The following KCTD16 variants were observed in gnomAD, a reference collection of about 807,000 sequenced individuals.
KCTD16 encodes potassium channel tetramerization domain containing 16, also known as BTB/POZ domain-containing protein KCTD16.
KCTD16 carries 13 observed loss-of-function variants against 33.2 expected under a neutral mutation model. That is an observed-to-expected ratio of 0.39 (90% CI 0.25 to 0.62). The LOEUF (loss-of-function observed/expected upper bound fraction) is 0.62. Among genes scored for constraint, KCTD16 ranks in the 20% least tolerant of loss-of-function variants. The pLI is 0.50. For synonymous variants in KCTD16, 197 were observed against 195.3 expected (o/e 1.01, Z -0.07); for missense variants, 441 against 525.1 (o/e 0.84, Z 1.57).
chr5:144,361,906 TTGTGTG>T (rs3996310), intron 3 of KCTD16, among the ~76,000 whole-genome samples: 8,025 of 143,910 alleles, frequency 0.056, 250 homozygotes, highest in Middle Eastern at 0.077. Context: ...TGGTGTTATT[TTGTGTG>T]TGTGTGTGTG....
chr5:144,384,075 G>C (rs1186009386), intron 3 of KCTD16: 1 of 152,060 alleles, frequency 6.6e-6, no homozygotes, highest in Non-Finnish European at 1.5e-5. Flanking sequence ...TTTTTCCTGA[G>C]GAAAAGCTGA....
intron 3 of KCTD16, among the ~76,000 whole-genome samples, chr5:144,292,857 C>T (rs373373286): frequency 3.9e-5 from 6 of 152,088 alleles, no homozygotes; most frequent in Admixed American, 1.3e-4. Context: ...ACAGAGAGAG[C>T]GCTAGGATTC....
intron 3 of KCTD16, among the ~76,000 whole-genome samples, chr5:144,341,017 C>T (rs1196736287): frequency 6.6e-6 from 1 of 151,990 alleles, no homozygotes; most frequent in South Asian, 2.1e-4. Context: ...TGCACTCCAG[C>T]CTGGGCAACA....
Position 144,285,033 on chromosome 5 carries a change from T to C in KCTD16, c.832+77487T>C, listed in dbSNP as rs147324594. ...TAAAGAACTTGGAGACAGAAATTGC[T>C]TCACAAAAGATCTAGTCCCTACACA... On this transcript the variant is annotated intron_variant, in intron 3 of 3. Transcript: ENST00000512467. Among the ~76,000 whole-genome samples the C allele has an allele frequency of 8.3e-4, 126 of 152,316 alleles. No homozygotes were observed. In the East Asian group the frequency reaches 0.011, roughly 13 times the overall value.
At chr5:144,177,941 C>T (rs547852924) in intron 2 of KCTD16, among the ~76,000 whole-genome samples, 1 of 152,252 alleles carries the variant, frequency 6.6e-6, no homozygotes, top group East Asian at 1.9e-4. Flanking sequence ...ATCAGCTATT[C>T]ATGTCAATGT....
chr5:144,363,171 A>C (rs960390042), intron 3 of KCTD16, among the ~76,000 whole-genome samples: 1 of 152,036 alleles, frequency 6.6e-6, no homozygotes, highest in Non-Finnish European at 1.5e-5. Flanking sequence ...GTGAAACCCA[A>C]TCTCTACTAA....
At chr5:144,353,146 C>G (rs1377211084) in intron 3 of KCTD16, among the ~76,000 whole-genome samples, 3 of 152,148 alleles carry the variant, frequency 2.0e-5, no homozygotes. Context: ...CCCAAGGGGC[C>G]CTACCCAGAC....
At chr5:144,260,268 A>G (rs1188072943) in intron 3 of KCTD16, among the ~76,000 whole-genome samples, 1 of 152,206 alleles carries the variant, frequency 6.6e-6, no homozygotes, top group Non-Finnish European at 1.5e-5. Context: ...TGCACTCAAG[A>G]ATGAGCTGTC....
chr5:144,177,641 G>T lies in KCTD16; in HGVS notation c.-327+3169G>T, dbSNP rs1333291866. ...TTCGCATAGTCTTCTCTCTGTGTAT[G>T]CCTGTCTCTGTGTCCACATTTCCCT... On this transcript the variant is annotated intron_variant, in intron 2 of 3. Coordinates refer to ENST00000512467, the MANE Select transcript of KCTD16 (RefSeq NM_020768.4). Among the ~76,000 whole-genome samples the T allele has an allele frequency of 2.6e-5, 4 of 152,122 alleles. No individual in the cohort carries two copies. The South Asian group carries it at 8.3e-4, about 32-fold the overall frequency.
intron 3 of KCTD16, among the ~76,000 whole-genome samples, chr5:144,411,288 T>C (rs1752927226): frequency 6.6e-6 from 1 of 152,096 alleles, no homozygotes; most frequent in Non-Finnish European, 1.5e-5. Flanking sequence ...CAAAATATAC[T>C]ACAAAGCTGT....
intron 3 of KCTD16, among the ~76,000 whole-genome samples, chr5:144,322,203 A>G (rs995168261): frequency 5.3e-5 from 8 of 152,154 alleles, no homozygotes; most frequent in African/African-American, 1.9e-4. Context: ...TAAGCAGTTG[A>G]TAGGTAGGCA....
intron 3 of KCTD16, among the ~76,000 whole-genome samples, chr5:144,354,096 C>T (rs1489661268): frequency 6.6e-6 from 1 of 151,934 alleles, no homozygotes; most frequent in Non-Finnish European, 1.5e-5. Flanking sequence ...AATGATCTGC[C>T]TGCTTAGAAA....
At chr5:144,460,321 A>G (rs1406338330) in intron 3 of KCTD16, among the ~76,000 whole-genome samples, 3 of 152,154 alleles carry the variant, frequency 2.0e-5, no homozygotes, top group African/African-American at 7.2e-5. Context: ...GTCCCAATCA[A>G]AATGTCAATT....
chr5:144,283,905 G>A (rs1251840361), intron 3 of KCTD16, among the ~76,000 whole-genome samples: 5 of 152,134 alleles, frequency 3.3e-5, no homozygotes, highest in Admixed American at 1.3e-4. Context: ...AATATATTTG[G>A]TGTAAGCTAA....
chr5:144,264,623 G>C (rs1218782899), intron 3 of KCTD16, among the ~76,000 whole-genome samples: 1 of 152,162 alleles, frequency 6.6e-6, no homozygotes, highest in East Asian at 1.9e-4. Context: ...AATGTAAAAA[G>C]TTAGCTGGGC....
chr5:144,261,861 C>T (rs1755020276), intron 3 of KCTD16, among the ~76,000 whole-genome samples: 1 of 152,094 alleles, frequency 6.6e-6, no homozygotes, highest in South Asian at 2.1e-4. Context: ...CTTATCTGTC[C>T]CAAAAGCTGA....
chr5:144,451,254 C>A (rs149516128), intron 3 of KCTD16, among the ~76,000 whole-genome samples: 1,887 of 152,124 alleles, frequency 0.012, 38 homozygotes, highest in African/African-American at 0.043. Context: ...AATTAGAGAG[C>A]AGATTTTTTA....
At chr5:144,178,844 G>C (rs1457227507) in intron 2 of KCTD16, among the ~76,000 whole-genome samples, 2 of 151,910 alleles carry the variant, frequency 1.3e-5, no homozygotes, top group Non-Finnish European at 2.9e-5. Flanking sequence ...CCACTCCCTG[G>C]AAATTAAATG....
intron 3 of KCTD16, among the ~76,000 whole-genome samples, chr5:144,405,765 A>G (rs1411259911): frequency 6.6e-6 from 1 of 152,146 alleles, no homozygotes; most frequent in African/African-American, 2.4e-5. Flanking sequence ...TGTTTTTCAG[A>G]AAATTGATTG....
Sources: gnomAD v4.1 joint callset for allele counts (sites outside exome capture counted in the v4.1 genomes callset) on GRCh38, gnomAD v4.1.1 for gene constraint, MANE v1.5 for transcripts, NCBI Gene and HGNC (gene_info 2026-07-23, HGNC 2026-07-21) for gene names.